Variants in STK24 observed in about 807,000 individuals in gnomAD.
STK24 encodes the protein serine/threonine kinase 24, also known as serine/threonine-protein kinase 24.
A neutral mutation model predicts 55.6 loss-of-function variants in STK24; 21 were observed. That is an observed-to-expected ratio of 0.38 (90% CI 0.27 to 0.54). The LOEUF (loss-of-function observed/expected upper bound fraction) is 0.54. Ranked by LOEUF, STK24 falls within the 20% of genes least tolerant of loss-of-function variation. The pLI is 0.79. For synonymous variants in STK24, 200 were observed against 215.2 expected (o/e 0.93, Z 0.62); for missense variants, 383 against 538.4 (o/e 0.71, Z 2.86).
intron 7 of STK24, among the ~76,000 whole-genome samples, chr13:98,462,361 C>T (rs1479970424): frequency 1.4e-4 from 21 of 152,214 alleles, no homozygotes; most frequent in South Asian, 4.2e-4. Context: ...CTATTTGGTA[C>T]CCTCCACTCG....
At chr13:98,546,383 C>A (rs774225415) in intron 1 of STK24, among the ~76,000 whole-genome samples, 1 of 149,468 alleles carries the variant, frequency 6.7e-6, no homozygotes, top group Non-Finnish European at 1.5e-5. Flanking sequence ...AAAACACACA[C>A]GAGTAAATCA....
chr13:98,484,127 A>C (rs1264158400), intron 2 of STK24, among the ~76,000 whole-genome samples: 2 of 152,130 alleles, frequency 1.3e-5, no homozygotes, highest in Non-Finnish European at 2.9e-5. Flanking sequence ...CCAGGTTCTG[A>C]TTTCAGGGAA....
At chr13:98,543,740 C>G (rs992658985) in intron 1 of STK24, among the ~76,000 whole-genome samples, 32 of 152,192 alleles carry the variant, frequency 2.1e-4, no homozygotes, top group African/African-American at 7.7e-4. Flanking sequence ...AAGAGAGGAG[C>G]TGCCAGCCGC....
chr13:98,556,522 A>G (rs928133459), intron 1 of STK24, among the ~76,000 whole-genome samples: 1 of 104,646 alleles, frequency 9.6e-6, no homozygotes, highest in Non-Finnish European at 2.1e-5. Flanking sequence ...TACAACTGAA[A>G]AACAACAACA....
At chr13:98,478,083 A>ATTC (rs1894448966) in intron 3 of STK24, among the ~76,000 whole-genome samples, 1 of 152,302 alleles carries the variant, frequency 6.6e-6, no homozygotes, top group South Asian at 2.1e-4. Flanking sequence ...TATAAAGGGT[A>ATTC]TTCGGCTGCT....
At chr13:98,519,167 C>G in intron 2 of STK24, 76 bp downstream of exon 2, 1 of 1,193,858 alleles carries the variant, frequency 8.4e-7, no homozygotes, top group Non-Finnish European at 1.2e-6. Context: ...TTTGTCCTAT[C>G]AGAGTCCTTC....
At chr13:98,513,923 C>G (rs1895969485) in intron 2 of STK24, among the ~76,000 whole-genome samples, 1 of 152,160 alleles carries the variant, frequency 6.6e-6, no homozygotes, top group Non-Finnish European at 1.5e-5. Context: ...CTAAGTATGC[C>G]TGAAGCCAAG....
chr13:98,576,139 T>C (rs1235845378), intron 1 of STK24: 2 of 985,036 alleles, frequency 2.0e-6, no homozygotes, highest in African/African-American at 3.5e-5. Context: ...CAACTCGCAC[T>C]TTCCCCCGGT....
intron 1 of STK24, among the ~76,000 whole-genome samples, chr13:98,526,118 G>A (rs895344253): frequency 5.9e-5 from 9 of 152,202 alleles, no homozygotes; most frequent in African/African-American, 2.2e-4. Context: ...TGGGGTGAAA[G>A]GGGCTTTCGA....
rs1257292500 is a variant in STK24 at position 98,486,997 on chromosome 13, A to T, written c.274-4676T>A. The stretch of plus-strand genomic sequence containing the variant: ...AAAATTCATGGTGCTCAACAGATGC[A>T]AAGTGCTATCAGCTTTATCAACATC... On this transcript the variant is annotated intron_variant, in intron 2 of 10. Coordinates refer to ENST00000539966, the MANE Select transcript of STK24 (RefSeq NM_001032296.4). 1.4e-4 allele frequency among the ~76,000 whole-genome samples: 21 copies of T among 152,380 alleles called. No homozygotes were observed. In the East Asian group the frequency reaches 4.0e-3, roughly 29 times the overall value.
chr13:98,478,068 T>C (rs1275712652), intron 3 of STK24, among the ~76,000 whole-genome samples: 1 of 152,174 alleles, frequency 6.6e-6, no homozygotes, highest in African/African-American at 2.4e-5. Context: ...TGCGTCAAAA[T>C]TCACTATAAA....
chr13:98,536,360 CTT>C (rs34138053), intron 1 of STK24, among the ~76,000 whole-genome samples: 3 of 146,836 alleles, frequency 2.0e-5, no homozygotes, highest in African/African-American at 2.5e-5. Flanking sequence ...CTTCTTCTAT[CTT>C]TTTTTTTTTT....
intron 1 of STK24, among the ~76,000 whole-genome samples, chr13:98,556,068 A>T (rs1897282178): frequency 6.6e-6 from 1 of 152,128 alleles, no homozygotes; most frequent in South Asian, 2.1e-4. Context: ...CCGGATAAGA[A>T]ATTCGGTCCC....
chr13:98,447,190 G>A lies in STK24; in HGVS notation c.*5983C>T, dbSNP rs1469712023. 8 of 164,458 alleles carry A rather than the reference G, an allele frequency of 4.9e-5. No homozygotes were observed. Among genetic ancestry groups the A allele is most frequent in the Non-Finnish European group, 1.1e-4 (8 of 76,024 alleles). 10.2% of individuals were successfully genotyped at this position (164,458 alleles called of 1,614,324 possible). On this transcript the variant is annotated 3_prime_UTR_variant, in exon 11 of 11. Transcript: ENST00000539966. Reference sequence around the variant, plus strand: ...AAATGCAACAGTCAGGCCTAAGACTGTTCCTGCAATTCATATTTTGAATAG... The same window carrying A: ...AAATGCAACAGTCAGGCCTAAGACTATTCCTGCAATTCATATTTTGAATAG...
chr13:98,484,948 G>A (rs962960680), intron 2 of STK24, among the ~76,000 whole-genome samples: 12 of 152,146 alleles, frequency 7.9e-5, no homozygotes, highest in Non-Finnish European at 1.8e-4. Flanking sequence ...CTCACCAGAG[G>A]GCACTCAGGA....
rs569464022 is a variant in STK24 at position 98,445,741 on chromosome 13, C to G, written c.*7432G>C. On this transcript the variant is annotated 3_prime_UTR_variant, in exon 11 of 11. Transcript: ENST00000539966. Reference sequence around the variant, plus strand: ...GCTCTTCTCCTCAGGACACCACTCCCGTTGGATTTAGGGCCCACCCTACCC... The same window carrying G: ...GCTCTTCTCCTCAGGACACCACTCCGGTTGGATTTAGGGCCCACCCTACCC... 3.6e-4 allele frequency: 61 copies of G among 169,566 alleles called. No individual in the cohort carries two copies. The highest frequency in any genetic ancestry group is 7.7e-4 in the Admixed American group (12 of 15,686). The allele number at this position is 169,566 out of a possible 1,614,324, so 10.5% of individuals were successfully genotyped here.
chr13:98,457,187 G>T lies in STK24; in HGVS notation c.1240C>A (p.Leu414Ile), dbSNP rs55897869. ...AGTTACCTCTGGAGCCGCTGCACGA[G>T]CTGGGCCACCATGGTGTCGGAGATG... ...PGISDTMVAQ[L>I]VQRLQRYSLS... is the part of the protein sequence containing the mutation. The change falls in exon 10 of 11, where the codon CTC becomes ATC. Residue 414 changes from leucine to isoleucine, a missense_variant. Leu to Ile is a conservative substitution (Grantham distance 5). Coordinates refer to ENST00000539966, the MANE Select transcript of STK24 (RefSeq NM_001032296.4). The T allele has an allele frequency of 1.2e-5, 19 of 1,611,558 alleles. No homozygotes were observed. Among genetic ancestry groups the T allele is most frequent in the Non-Finnish European group, 1.6e-5 (19 of 1,179,754 alleles).
chr13:98,558,164 G>A (rs1450255525), intron 1 of STK24, among the ~76,000 whole-genome samples: 1 of 152,196 alleles, frequency 6.6e-6, no homozygotes, highest in African/African-American at 2.4e-5. Context: ...CACTGCACCA[G>A]ACGTATGACA....
At chr13:98,551,730 C>T (rs1158223972) in intron 1 of STK24, among the ~76,000 whole-genome samples, 4 of 152,182 alleles carry the variant, frequency 2.6e-5, no homozygotes, top group Non-Finnish European at 5.9e-5. Context: ...TTAGCCTGGA[C>T]TCCAATGCTT....
Sources: gnomAD v4.1 joint callset for allele counts (sites outside exome capture counted in the v4.1 genomes callset) on GRCh38, gnomAD v4.1.1 for gene constraint, MANE v1.5 for transcripts, NCBI Gene and HGNC (gene_info 2026-07-23, HGNC 2026-07-21) for gene names.